Variants in ZMAT3 observed in about 807,000 individuals in gnomAD.
ZMAT3 encodes zinc finger matrin-type protein 3.
A neutral mutation model predicts 32.3 loss-of-function variants in ZMAT3; 17 were observed. That is an observed-to-expected ratio of 0.53 (90% CI 0.36 to 0.79). The LOEUF (loss-of-function observed/expected upper bound fraction) is 0.79. ZMAT3 is among the 30% of genes least tolerant of loss of function. ZMAT3 has a pLI of 0.00. For synonymous variants in ZMAT3, 120 were observed against 133.1 expected (o/e 0.90, Z 0.68); for missense variants, 329 against 359.7 (o/e 0.91, Z 0.69).
At chr3:179,028,412 T>C (rs1718996438) in intron 3 of ZMAT3, among the ~76,000 whole-genome samples, 1 of 152,274 alleles carries the variant, frequency 6.6e-6, no homozygotes, top group South Asian at 2.1e-4. Context: ...TCAGTAAGTA[T>C]TAGGTTAACA....
rs927696398 is a variant in ZMAT3 at position 179,024,711 on chromosome 3, T to C, written c.*306A>G. 7 of 277,184 alleles carry C rather than the reference T, an allele frequency of 2.5e-5. No homozygotes were observed. Among genetic ancestry groups the C allele is most frequent in the Non-Finnish European group, 4.9e-5 (7 of 143,446 alleles). The allele number at this position is 277,184 out of a possible 1,614,324, so 17.2% of individuals were successfully genotyped here. A position where few individuals can be genotyped will look rare whatever the true frequency, so the allele number is the denominator to read the frequency against. ...AAGTTCTAAGCCGTCAGGCTACTAG[T>C]TGACCAGAACTTGAGCAAGATAAAA... On this transcript the variant is annotated 3_prime_UTR_variant, in exon 6 of 6. Coordinates refer to ENST00000311417, the MANE Select transcript of ZMAT3 (RefSeq NM_022470.4).
chr3:179,018,675 A>G lies in ZMAT3; in HGVS notation c.*6342T>C, dbSNP rs1211725387. 1 of 152,198 alleles carries G rather than the reference A, an allele frequency of 6.6e-6. No homozygotes were observed. Among genetic ancestry groups the G allele is most frequent in the East Asian group, 1.9e-4 (1 of 5,200 alleles). 9.4% of individuals were successfully genotyped at this position (152,198 alleles called of 1,614,324 possible). A position where few individuals can be genotyped will look rare whatever the true frequency, so the allele number is the denominator to read the frequency against. The stretch of plus-strand genomic sequence containing the variant: ...AGAATCTTATCCACAAAAAGTGGGC[A>G]TAAAAATAAAGGCATATGTAAAAAT... On this transcript the variant is annotated 3_prime_UTR_variant, in exon 6 of 6. Transcript: ENST00000311417.
At chr3:179,058,613 G>C (rs1262628281) in intron 2 of ZMAT3, among the ~76,000 whole-genome samples, 1 of 152,042 alleles carries the variant, frequency 6.6e-6, no homozygotes, top group Non-Finnish European at 1.5e-5. Flanking sequence ...AAAATTAGCC[G>C]GGGGTAGTGG....
In ZMAT3 at chr3:179,046,527, T is replaced by C. The variant is rs1017558279; in HGVS notation, c.271-15528A>G. Among the ~76,000 whole-genome samples, 2 of 152,128 alleles carry C rather than the reference T, an allele frequency of 1.3e-5. No homozygotes were observed. Among genetic ancestry groups the C allele is most frequent in the African/African-American group, 4.8e-5 (2 of 41,424 alleles). On this transcript the variant is annotated intron_variant, in intron 2 of 5. Coordinates refer to ENST00000311417, the MANE Select transcript of ZMAT3 (RefSeq NM_022470.4). The surrounding 1 kb of genome is among the most constrained non-coding windows in gnomAD (Gnocchi z 4.3). ...TCACAGGCCCTTTGAAGGAGGCGGA[T>C]TGCCACTGCAGACTCCGTGGGACAG...
In ZMAT3 at chr3:179,067,554, A is replaced by G; in HGVS notation, c.199T>C (p.Cys67Arg). 1 of 1,614,184 alleles carries G rather than the reference A, an allele frequency of 6.2e-7. No individual in the cohort carries two copies. Among genetic ancestry groups the G allele is most frequent in the Non-Finnish European group, 8.5e-7 (1 of 1,180,032 alleles). Residue 67 changes from cysteine (C) to arginine (R), a missense_variant, in exon 2 of 6, where the codon TGT (cysteine) becomes CGT (arginine). Physicochemically the swap from Cys to Arg is radical, Grantham distance 180 (BLOSUM62 -3). Transcript: ENST00000311417. Reference sequence around the variant, plus strand: ...CAGAGTTTGCAGTACAGGGGCTTACATAGCTCCTCCAGGGCACAGTCTTGC... The same window carrying G: ...CAGAGTTTGCAGTACAGGGGCTTACGTAGCTCCTCCAGGGCACAGTCTTGC... ...GEQDCALEEL[C>R]KPLYCKLCNV...
Position 179,046,221 on chromosome 3 carries a change from G to C in ZMAT3, c.271-15222C>G, listed in dbSNP as rs776388261. On this transcript the variant is annotated intron_variant, in intron 2 of 5. Coordinates refer to ENST00000311417, the MANE Select transcript of ZMAT3 (RefSeq NM_022470.4). The surrounding 1 kb of genome is among the most constrained non-coding windows in gnomAD (Gnocchi z 4.3). ...GAACACAGTCCATGAAAAGGCAGAAGAGGTACCCAGTACTAGTGGAGGGGT... is the reference window on the plus strand; with the variant it reads ...GAACACAGTCCATGAAAAGGCAGAACAGGTACCCAGTACTAGTGGAGGGGT... 3.9e-5 allele frequency among the ~76,000 whole-genome samples: 6 copies of C among 152,198 alleles called. No homozygotes were observed. Among genetic ancestry groups the C allele is most frequent in the Non-Finnish European group, 7.3e-5 (5 of 68,038 alleles).
At chr3:179,045,316 T>C (rs966079572) in intron 2 of ZMAT3, among the ~76,000 whole-genome samples, 1 of 152,112 alleles carries the variant, frequency 6.6e-6, no homozygotes, top group Non-Finnish European at 1.5e-5. Context: ...GAAACATACA[T>C]AGGAGATAAC....
chr3:179,053,550 T>C (rs878942081), intron 2 of ZMAT3, among the ~76,000 whole-genome samples: 1 of 152,134 alleles, frequency 6.6e-6, no homozygotes, highest in African/African-American at 2.4e-5. Flanking sequence ...CATATAACAT[T>C]TGTTGAACAC....
intron 2 of ZMAT3, among the ~76,000 whole-genome samples, chr3:179,063,667 T>C (rs1246647300): frequency 6.6e-6 from 1 of 152,244 alleles, no homozygotes; most frequent in African/African-American, 2.4e-5. Context: ...ATTCTTCCTC[T>C]GGGCATTTAT....
intron 2 of ZMAT3, among the ~76,000 whole-genome samples, chr3:179,062,317 G>C (rs191874499): frequency 6.6e-6 from 1 of 152,156 alleles, no homozygotes; most frequent in African/African-American, 2.4e-5. Context: ...CAGGAGAGGA[G>C]AGGAGAAAGG....
intron 5 of ZMAT3, among the ~76,000 whole-genome samples, chr3:179,026,300 T>G (rs1442420218): frequency 6.6e-6 from 1 of 151,854 alleles, no homozygotes; most frequent in Non-Finnish European, 1.5e-5. Context: ...CAATTTAACA[T>G]TTTTTGGACT....
chr3:179,027,740 A>C lies in ZMAT3; in HGVS notation c.463T>G (p.Ser155Ala), dbSNP rs1438882676. ...ENDYCKLCDA[S>A]FSSPAVAQAH... ...TGAGCCACAGCTGGGGAACTGAAGG[A>C]GGCATCACAGAGCTTACAGTAATCA... The change falls in exon 4 of 6, where the codon TCC (serine) becomes GCC (alanine). Residue 155 changes from serine (S) to alanine (A), a missense_variant. Physicochemically the swap from Ser to Ala is moderately conservative, Grantham distance 99 (BLOSUM62 1). Coordinates refer to ENST00000311417, the MANE Select transcript of ZMAT3 (RefSeq NM_022470.4). 1.2e-6 allele frequency: 2 copies of C among 1,614,166 alleles called. No individual in the cohort carries two copies. The highest frequency in any genetic ancestry group is 1.7e-5 in the Admixed American group (1 of 60,018).
chr3:179,030,918 C>T lies in ZMAT3; in HGVS notation c.352G>A (p.Glu118Lys), dbSNP rs745704704. 7.4e-6 allele frequency: 12 copies of T among 1,613,776 alleles called. No homozygotes were observed. The highest frequency in any genetic ancestry group is 3.3e-5 in the Admixed American group (2 of 59,968). Reference sequence around the variant, plus strand: ...GGAACAACTGGAGTAGCTGCAGGCTCGACCACATTGCTCATTCTAGCAGGA... The same window carrying T: ...GGAACAACTGGAGTAGCTGCAGGCTTGACCACATTGCTCATTCTAGCAGGA... ...PPPARMSNVV[E>K]PAATPVVPVP... Residue 118 changes from glutamate (E) to lysine (K), a missense_variant, in exon 3 of 6, where the codon GAG (glutamate) becomes AAG (lysine). By Grantham distance (56) the Glu-to-Lys change is moderately conservative. Coordinates refer to ENST00000311417, the MANE Select transcript of ZMAT3 (RefSeq NM_022470.4).
intron 2 of ZMAT3, among the ~76,000 whole-genome samples, chr3:179,053,533 A>G (rs924919703): frequency 2.6e-5 from 4 of 152,130 alleles, no homozygotes; most frequent in Non-Finnish European, 5.9e-5. Flanking sequence ...GTCTTAAAGC[A>G]CCTCCCCATA....
In ZMAT3 at chr3:179,023,706, ATATATTTTTTT is replaced by A. The variant is rs1245221058; in HGVS notation, c.*1300_*1310del. On this transcript the variant is annotated 3_prime_UTR_variant, in exon 6 of 6. Transcript: ENST00000311417. ...TGCTGGAAAATATATCTATATATATATATATTTTTTTTTTTTTTTTTTTTTTTTTTTTGAGA... is the reference window on the plus strand; with the variant it reads ...TGCTGGAAAATATATCTATATATATATTTTTTTTTTTTTTTTTTTTTGAGA... The A allele has an allele frequency of 1.5e-4, 2 of 13,208 alleles. No homozygotes were observed. Among genetic ancestry groups the A allele is most frequent in the South Asian group, 3.4e-3 (1 of 294 alleles). The allele number at this position is 13,208 out of a possible 1,614,324, so 0.8% of individuals were successfully genotyped here. A position where few individuals can be genotyped will look rare whatever the true frequency, so the allele number is the denominator to read the frequency against.
intron 2 of ZMAT3, among the ~76,000 whole-genome samples, chr3:179,054,906 G>T (rs974876145): frequency 2.0e-5 from 3 of 152,148 alleles, no homozygotes; most frequent in Non-Finnish European, 4.4e-5. Context: ...CTGAACACTA[G>T]TCACTGGGTT....
In ZMAT3 at chr3:179,051,278, A is replaced by T. The variant is rs187767148; in HGVS notation, c.270+16205T>A. On this transcript the variant is annotated intron_variant, in intron 2 of 5. Transcript: ENST00000311417. Reference sequence around the variant, plus strand: ...AAAAAGCTTCTGGTACTGGTAAATGAATTCAGCAAAGTTTTAGGATACAAA... The same window carrying T: ...AAAAAGCTTCTGGTACTGGTAAATGTATTCAGCAAAGTTTTAGGATACAAA... Among the ~76,000 whole-genome samples the T allele has an allele frequency of 2.9e-3, 447 of 152,318 alleles. 3 individuals carry two copies. Among genetic ancestry groups the T allele is most frequent in the Middle Eastern group, 0.01 (3 of 294 alleles).
At chr3:179,067,112 G>T (rs563321078) in intron 2 of ZMAT3, among the ~76,000 whole-genome samples, 1 of 152,112 alleles carries the variant, frequency 6.6e-6, no homozygotes, top group South Asian at 2.1e-4. Context: ...GTACATCATG[G>T]GTTTTTTTGT....
At chr3:179,067,380 T>C (rs1178684228) in intron 2 of ZMAT3, 103 bp downstream of exon 2, 2 of 1,234,130 alleles carry the variant, frequency 1.6e-6, no homozygotes, top group African/African-American at 1.5e-5. Flanking sequence ...CTAAGCCATC[T>C]TGGTATTCCA....
Sources: gnomAD v4.1 joint callset for allele counts (sites outside exome capture counted in the v4.1 genomes callset) on GRCh38, gnomAD v4.1.1 for gene constraint, Gnocchi (gnomAD v3.1) non-coding constraint, MANE v1.5 for transcripts, NCBI Gene and HGNC (gene_info 2026-07-23, HGNC 2026-07-21) for gene names.